ANK2: variants seen among roughly 807,000 people sequenced by gnomAD.
ANK2 encodes ankyrin 2.
Under a neutral mutation model 360.5 loss-of-function variants are expected in ANK2, and 83 were observed. That is an observed-to-expected ratio of 0.23 (90% CI 0.19 to 0.28). The LOEUF (loss-of-function observed/expected upper bound fraction) is 0.28, where lower values mean the gene tolerates loss of function less well. Among genes scored for constraint, ANK2 ranks in the 10% least tolerant of loss-of-function variants. ANK2 has a pLI of 1.00. For missense variants in ANK2, 4,201 were observed against 4,795.7 expected (o/e 0.88, Z 3.66); for synonymous variants, 1,740 against 1,759.5 (o/e 0.99, Z 0.28).
chr4:113,265,685 T>C (rs921476869), intron 14 of ANK2, among the ~76,000 whole-genome samples: 1 of 152,212 alleles, frequency 6.6e-6, no homozygotes, highest in African/African-American at 2.4e-5. Flanking sequence ...TTCCTTTACA[T>C]TGAATACACC....
At chr4:113,046,240 T>A (rs1413078052), upstream of ANK2, among the ~76,000 whole-genome samples, 1 of 152,190 alleles carries the variant, frequency 6.6e-6, no homozygotes, top group East Asian at 1.9e-4. Context: ...GGCACCTGTT[T>A]AACTACTGGC....
chr4:113,080,743 C>T (rs1356728737), intron 1 of ANK2, among the ~76,000 whole-genome samples: 1 of 152,132 alleles, frequency 6.6e-6, no homozygotes, highest in Non-Finnish European at 1.5e-5. Context: ...GGATGAGCAA[C>T]CTATTGAGTT....
At chr4:112,801,067 G>A in the ANK2 span, among the ~76,000 whole-genome samples, 1 of 151,964 alleles carries the variant, frequency 6.6e-6, no homozygotes, top group African/African-American at 2.4e-5. Flanking sequence ...AAGGTAGTCA[G>A]TTAACTCTAT....
chr4:112,977,530 G>T (rs1561376376), intron 2 of ANK2, among the ~76,000 whole-genome samples: 1 of 150,776 alleles, frequency 6.6e-6, no homozygotes, highest in Non-Finnish European at 1.5e-5. Flanking sequence ...TAATAACCAT[G>T]AATAAATAAA....
chr4:113,306,355 T>C (rs1226656805), intron 23 of ANK2, among the ~76,000 whole-genome samples: 1 of 152,100 alleles, frequency 6.6e-6, no homozygotes, highest in Non-Finnish European at 1.5e-5. Flanking sequence ...GATAGGAAAG[T>C]ACAAGAGAGA....
At chr4:112,912,045 C>G (rs563827250) in intron 2 of ANK2, among the ~76,000 whole-genome samples, 1 of 151,902 alleles carries the variant, frequency 6.6e-6, no homozygotes, top group South Asian at 2.1e-4. Context: ...AACGTGGTGG[C>G]GGGCGCCTGT....
chr4:113,276,636 A>G (rs1307968262), intron 15 of ANK2, among the ~76,000 whole-genome samples: 2 of 152,340 alleles, frequency 1.3e-5, no homozygotes, highest in East Asian at 3.9e-4. Flanking sequence ...GCAAGAAGGA[A>G]TAAATACTTC....
intron 1 of ANK2, among the ~76,000 whole-genome samples, chr4:112,837,551 T>C (rs1469566749): frequency 6.6e-6 from 1 of 152,154 alleles, no homozygotes; most frequent in Admixed American, 6.5e-5. Flanking sequence ...ACTGTGTGCC[T>C]GGAAAAGTGC....
chr4:113,028,116 C>T (rs1441104792), intron 2 of ANK2, among the ~76,000 whole-genome samples: 1 of 151,958 alleles, frequency 6.6e-6, no homozygotes, highest in Non-Finnish European at 1.5e-5. Flanking sequence ...ACAATTTGCA[C>T]ATTTGCTTGT....
chr4:113,169,955 A>T (rs749840968), intron 1 of ANK2, among the ~76,000 whole-genome samples: 1 of 152,170 alleles, frequency 6.6e-6, no homozygotes, highest in Non-Finnish European at 1.5e-5. Flanking sequence ...AAATAACCTC[A>T]GAGTTCTGTA....
intron 2 of ANK2, among the ~76,000 whole-genome samples, chr4:113,021,275 C>A (rs1419592541): frequency 6.6e-6 from 1 of 151,930 alleles, no homozygotes; most frequent in African/African-American, 2.4e-5. Context: ...CATTTCTTCT[C>A]CCTTGCATAT....
At chr4:112,771,059 G>A in the ANK2 span, among the ~76,000 whole-genome samples, 1 of 152,152 alleles carries the variant, frequency 6.6e-6, no homozygotes, top group East Asian at 1.9e-4. Context: ...TTTGTGGCTG[G>A]GGCCCCTGTA....
In ANK2 at chr4:113,021,541, C is replaced by CACACACACACACACACATAT. The variant is rs1489947974; in HGVS notation, c.21+117028_21+117029insCACACACACACACACATATA. On this transcript the variant is annotated intron_variant, in intron 2 of 30. Transcript: ENST00000503271. ...ATACACACACACACCCACACACAAA[C>CACACACACACACACACATAT]ATATATATATATATATATATATATA... is the stretch of plus-strand genomic sequence containing the variant. 8.5e-4 allele frequency among the ~76,000 whole-genome samples: 81 copies of CACACACACACACACACATAT among 95,624 alleles called. 3 individuals are homozygous for CACACACACACACACACATAT. The highest frequency in any genetic ancestry group is 1.4e-3 in the Non-Finnish European group (63 of 44,120). 62.7% of individuals were successfully genotyped at this position (95,624 alleles called of 152,430 possible).
At chr4:113,196,329 T>C in intron 2 of ANK2, 39 bp from the exon 3 acceptor site, 1 of 1,528,508 alleles carries the variant, frequency 6.5e-7, no homozygotes, top group Non-Finnish European at 9.0e-7. Context: ...TTTTCCTCAT[T>C]ACTTCACTTC....
At chr4:112,741,583 G>A in the ANK2 span, among the ~76,000 whole-genome samples, 9 of 152,140 alleles carry the variant, frequency 5.9e-5, no homozygotes, top group Non-Finnish European at 1.3e-4. Flanking sequence ...AGCATTGCTC[G>A]TCAATTTTGT....
intron 1 of ANK2, chr4:113,072,057 C>T (rs1176654371): frequency 1.3e-5 from 2 of 152,070 alleles, no homozygotes; most frequent in Non-Finnish European, 2.9e-5. Flanking sequence ...CCATCTGGTC[C>T]CTCCCACGAC....
intron 1 of ANK2, among the ~76,000 whole-genome samples, chr4:112,822,562 A>G (rs1486239685): frequency 6.6e-6 from 1 of 152,068 alleles, no homozygotes; most frequent in East Asian, 1.9e-4. Flanking sequence ...CTTGACCAAC[A>G]TGACAAAACC....
At chr4:113,293,905 G>T (rs531635464) in intron 22 of ANK2, among the ~76,000 whole-genome samples, 4 of 152,220 alleles carry the variant, frequency 2.6e-5, no homozygotes, top group African/African-American at 9.6e-5. Flanking sequence ...ACTTACCTTA[G>T]CCAGGAGGTC....
the ANK2 span, among the ~76,000 whole-genome samples, chr4:112,757,199 G>A: frequency 6.9e-6 from 1 of 145,560 alleles, no homozygotes; most frequent in Non-Finnish European, 1.5e-5. Flanking sequence ...TGCAACCTCC[G>A]CTTCCCGGGT....
Sources: allele counts gnomAD v4.1 joint callset (sites outside exome capture counted in the v4.1 genomes callset), GRCh38; gene constraint gnomAD v4.1.1; transcripts MANE v1.5; gene names NCBI Gene and HGNC (gene_info 2026-07-23, HGNC 2026-07-21).